TENM2: variants seen among roughly 807,000 people sequenced by gnomAD.
The protein encoded by TENM2 is teneurin-2.
In TENM2, 52 loss-of-function variants were observed where a neutral mutation model predicts 245.2. That is an observed-to-expected ratio of 0.21 (90% CI 0.17 to 0.27). The LOEUF is 0.27. Ranked by LOEUF, TENM2 falls within the 10% of genes least tolerant of loss-of-function variation. TENM2 has a pLI of 1.00. For synonymous variants in TENM2, 1,363 were observed against 1,438.9 expected, an observed-to-expected ratio of 0.95 and a Z score of 1.19; for missense variants, 3,046 against 3,666.8, an observed-to-expected ratio of 0.83 and a Z score of 4.37.
the TENM2 span, among the ~76,000 whole-genome samples, chr5:167,199,675 C>T: frequency 1.3e-5 from 2 of 152,110 alleles, no homozygotes; most frequent in African/African-American, 4.8e-5. Flanking sequence ...CACATTTTCT[C>T]CCCTTTTTGA....
intron 3 of TENM2, among the ~76,000 whole-genome samples, chr5:167,909,050 TC>T (rs1261352194): frequency 6.6e-6 from 1 of 151,530 alleles, no homozygotes; most frequent in African/African-American, 2.4e-5. Flanking sequence ...TTTTATATTT[TC>T]GTTTTCTTTT....
the TENM2 span, among the ~76,000 whole-genome samples, chr5:167,245,893 A>C: frequency 1.3e-5 from 2 of 152,148 alleles, no homozygotes; most frequent in Admixed American, 1.3e-4. Context: ...GCAGCTTCCT[A>C]ATATTCTTTG....
At chr5:167,318,199 C>T (rs1756486300) in intron 1 of TENM2, among the ~76,000 whole-genome samples, 1 of 152,114 alleles carries the variant, frequency 6.6e-6, no homozygotes, top group African/African-American at 2.4e-5. Flanking sequence ...CCTTTTAACA[C>T]CAATGTGTCA....
chr5:167,208,900 G>A, the TENM2 span, among the ~76,000 whole-genome samples: 6 of 152,146 alleles, frequency 3.9e-5, no homozygotes, highest in African/African-American at 1.4e-4. Flanking sequence ...TCGAGTTGTT[G>A]GTCAGAATGA....
At chr5:167,838,461 A>G (rs1487810881) in intron 2 of TENM2, among the ~76,000 whole-genome samples, 1 of 152,206 alleles carries the variant, frequency 6.6e-6, no homozygotes, top group Admixed American at 6.5e-5. Context: ...AAAGAAGGAC[A>G]CTAAACTGAT....
chr5:167,532,790 A>G (rs1375921575), intron 2 of TENM2, among the ~76,000 whole-genome samples: 2 of 140,852 alleles, frequency 1.4e-5, no homozygotes, highest in Non-Finnish European at 3.1e-5. Context: ...ATATACACAT[A>G]TACACATATA....
intron 12 of TENM2, among the ~76,000 whole-genome samples, chr5:168,147,676 G>T (rs1478455176): frequency 6.6e-6 from 1 of 152,182 alleles, no homozygotes; most frequent in Non-Finnish European, 1.5e-5. Flanking sequence ...TTTTGGTTCT[G>T]CGCTGTATTA....
the TENM2 span, among the ~76,000 whole-genome samples, chr5:167,123,052 C>G: frequency 6.6e-6 from 1 of 151,574 alleles, no homozygotes; most frequent in Admixed American, 6.6e-5. Flanking sequence ...AATCCCGGCA[C>G]TTTGGGAGGC....
intron 2 of TENM2, among the ~76,000 whole-genome samples, chr5:167,462,189 C>CCCCA (rs1766352646): frequency 7.5e-6 from 1 of 132,516 alleles, no homozygotes; most frequent in Non-Finnish European, 1.6e-5. Context: ...CCACCCCCCC[C>CCCCA]CCCCATTGCA....
chr5:168,130,091 A>T (rs1754436140), intron 12 of TENM2: 1 of 152,236 alleles, frequency 6.6e-6, no homozygotes, highest in Non-Finnish European at 1.5e-5. Flanking sequence ...TACTAAAAGG[A>T]TCAAAAAGAG....
chr5:167,994,802 C>A (rs1783930536), intron 5 of TENM2, among the ~76,000 whole-genome samples: 1 of 152,132 alleles, frequency 6.6e-6, no homozygotes, highest in Non-Finnish European at 1.5e-5. Flanking sequence ...GTCTGCTTCT[C>A]ACTTACCTCT....
intron 12 of TENM2, among the ~76,000 whole-genome samples, chr5:168,150,457 CG>C (rs1756542384): frequency 6.6e-6 from 1 of 152,196 alleles, no homozygotes. Context: ...GGACGCCATG[CG>C]GGGGCTTCCC....
At chr5:168,196,236 C>T (rs1320988515) in intron 15 of TENM2, among the ~76,000 whole-genome samples, 1 of 152,156 alleles carries the variant, frequency 6.6e-6, no homozygotes, top group Admixed American at 6.5e-5. Flanking sequence ...GCAGTTTCAA[C>T]AATTACCAGC....
intron 2 of TENM2, among the ~76,000 whole-genome samples, chr5:167,782,339 A>AAAG (rs60865615): frequency 6.7e-6 from 1 of 148,430 alleles, no homozygotes; most frequent in African/African-American, 2.5e-5. Flanking sequence ...AAAAAAAAAA[A>AAAG]TTAAAAAGAA....
At chr5:167,899,341 G>A (rs1164358931) in intron 3 of TENM2, among the ~76,000 whole-genome samples, 2 of 152,168 alleles carry the variant, frequency 1.3e-5, no homozygotes, top group African/African-American at 4.8e-5. Flanking sequence ...AATACCAAAC[G>A]CCAAAGACAG....
chr5:167,368,927 C>G (rs1356150319), intron 1 of TENM2, among the ~76,000 whole-genome samples: 1 of 152,074 alleles, frequency 6.6e-6, no homozygotes, highest in Admixed American at 6.5e-5. Context: ...TTCTCTGCCC[C>G]CAGCAAGGAG....
chr5:167,621,198 C>T (rs1368412358), intron 2 of TENM2, among the ~76,000 whole-genome samples: 1 of 152,026 alleles, frequency 6.6e-6, no homozygotes, highest in African/African-American at 2.4e-5. Context: ...GTTGGAAGGA[C>T]CAGGCATTAA....
chr5:168,259,117 G>T (rs1767954013), intron 27 of TENM2, among the ~76,000 whole-genome samples: 1 of 152,006 alleles, frequency 6.6e-6, no homozygotes, highest in Non-Finnish European at 1.5e-5. Flanking sequence ...GGACATCCAG[G>T]AATCTCTATT....
intron 2 of TENM2, among the ~76,000 whole-genome samples, chr5:167,547,209 G>A (rs999042272): frequency 2.6e-5 from 4 of 152,012 alleles, no homozygotes; most frequent in South Asian, 2.1e-4. Context: ...CCTCAGCCTC[G>A]CGAGTAGCTC....
Sources: allele counts gnomAD v4.1 joint callset (sites outside exome capture counted in the v4.1 genomes callset), GRCh38; gene constraint gnomAD v4.1.1; transcripts MANE v1.5; gene names NCBI Gene and HGNC (gene_info 2026-07-23, HGNC 2026-07-21).